The following INPP4B variants were observed in gnomAD, a reference collection of about 807,000 sequenced individuals.
INPP4B encodes the protein inositol polyphosphate 4-phosphatase type II.
INPP4B carries 55 observed loss-of-function variants against 122.5 expected under a neutral mutation model. That is an observed-to-expected ratio of 0.45 (90% CI 0.36 to 0.56). The LOEUF (loss-of-function observed/expected upper bound fraction) is 0.56, where lower values mean the gene tolerates loss of function less well. INPP4B is among the 20% of genes least tolerant of loss of function. The probability of loss-of-function intolerance (pLI) is 0.00; values close to 1 mark genes in which losing one functional copy is unlikely to be tolerated. For missense variants in INPP4B, 1,000 were observed against 1,097.7 expected, an observed-to-expected ratio of 0.91 and a Z score of 1.26; for synonymous variants, 403 against 388.7, an observed-to-expected ratio of 1.04 and a Z score of -0.43.
chr4:142,081,857 C>T lies in INPP4B; in HGVS notation c.2642+174G>A, dbSNP rs564663394. Among the ~76,000 whole-genome samples, 4 of 151,564 alleles carry T rather than the reference C, an allele frequency of 2.6e-5. No individual in the cohort carries two copies. The East Asian group carries it at 5.8e-4, about 22-fold the overall frequency. On this transcript the variant is annotated intron_variant, in intron 25 of 25. Transcript: ENST00000262992. ...GGGGAAATATAGATAGAGATGAAATCATTATACAGGTGGAGAAAATTATCT... is the reference window on the plus strand; with the variant it reads ...GGGGAAATATAGATAGAGATGAAATTATTATACAGGTGGAGAAAATTATCT...
intron 1 of INPP4B, among the ~76,000 whole-genome samples, chr4:142,804,420 G>A (rs1778416303): frequency 6.6e-6 from 1 of 152,064 alleles, no homozygotes; most frequent in Non-Finnish European, 1.5e-5. Context: ...TTATTTGTCT[G>A]GAATACCTCC....
At chr4:142,799,324 C>T (rs1338531458) in intron 1 of INPP4B, among the ~76,000 whole-genome samples, 1 of 151,762 alleles carries the variant, frequency 6.6e-6, no homozygotes, top group East Asian at 1.9e-4. Flanking sequence ...AAATTGTACA[C>T]ATTAAAAGGT....
At chr4:142,141,557 C>T (rs1035846828) in intron 18 of INPP4B, among the ~76,000 whole-genome samples, 2 of 152,084 alleles carry the variant, frequency 1.3e-5, no homozygotes, top group African/African-American at 4.8e-5. Flanking sequence ...TATTATTTCT[C>T]TTCAGAACAG....
chr4:142,047,065 T>TAACA (rs201809932), intron 25 of INPP4B, among the ~76,000 whole-genome samples: 1,591 of 152,256 alleles, frequency 0.01, 31 homozygotes, highest in African/African-American at 0.037. Flanking sequence ...AGACTGGGTC[T>TAACA]AACAGAGCCA....
chr4:142,526,314 C>A (rs1408886867), intron 2 of INPP4B, among the ~76,000 whole-genome samples: 6 of 151,982 alleles, frequency 3.9e-5, no homozygotes, highest in Admixed American at 2.0e-4. Context: ...CAGTAGCCAG[C>A]CACACAAAAT....
intron 25 of INPP4B, among the ~76,000 whole-genome samples, chr4:142,045,497 C>G (rs1750881198): frequency 6.6e-6 from 1 of 152,124 alleles, no homozygotes; most frequent in African/African-American, 2.4e-5. Context: ...AGAGGTCCAT[C>G]TAGTTTCCAG....
chr4:142,327,981 A>C (rs1313983221), intron 7 of INPP4B, among the ~76,000 whole-genome samples: 3 of 152,060 alleles, frequency 2.0e-5, no homozygotes, highest in South Asian at 4.1e-4. Flanking sequence ...TCTGCTACAC[A>C]AAGACTGCGG....
At chr4:142,345,457 T>A (rs1779998896) in intron 7 of INPP4B, among the ~76,000 whole-genome samples, 2 of 151,962 alleles carry the variant, frequency 1.3e-5, no homozygotes, top group Admixed American at 6.6e-5. Flanking sequence ...ATACCATGCA[T>A]TCAGAGAGGT....
chr4:142,487,149 C>A (rs1014928581), intron 2 of INPP4B, among the ~76,000 whole-genome samples: 2 of 152,142 alleles, frequency 1.3e-5, no homozygotes, highest in Non-Finnish European at 2.9e-5. Flanking sequence ...CACAAGCTCT[C>A]TCTTTGCCTG....
At position 142,028,842 on chromosome 4, in the gene INPP4B, C is replaced by T. The variant is rs2152254768; in HGVS notation, c.2715G>A (p.Leu905=). The T allele has an allele frequency of 6.2e-7, 1 of 1,613,594 alleles. No individual in the cohort carries two copies. The highest frequency in any genetic ancestry group is 2.2e-5 in the East Asian group (1 of 44,806). The part of the protein sequence containing the change: ...CRKYAFNMLQ[L]MAFPKYYRPP... ...GTCTGTAGTACTTGGGGAAAGCCAT[C>T]AGCTGTAGCATGTTGAAAGCATACT... Residue 905 remains leucine (L), a synonymous_variant, in exon 26 of 26, where the codon CTG becomes CTA. Coordinates refer to ENST00000262992, the MANE Select transcript of INPP4B (RefSeq NM_001101669.3).
At chr4:142,269,300 C>CT (rs35152054) in intron 10 of INPP4B, among the ~76,000 whole-genome samples, 121,762 of 151,778 alleles carry the variant, frequency 0.8, 49,297 homozygotes, top group East Asian at 0.93. Flanking sequence ...CCTCCCCCCT[C>CT]TTTTTTCCTC....
intron 2 of INPP4B, among the ~76,000 whole-genome samples, chr4:142,523,762 T>G (rs1826426834): frequency 6.7e-6 from 1 of 148,710 alleles, no homozygotes; most frequent in Admixed American, 6.7e-5. Context: ...ACCCACTAAC[T>G]CGTCATCTAG....
At chr4:142,569,269 A>T (rs1732296731) in intron 2 of INPP4B, among the ~76,000 whole-genome samples, 1 of 151,988 alleles carries the variant, frequency 6.6e-6, no homozygotes, top group South Asian at 2.1e-4. Context: ...TATGCAAAAT[A>T]TCTACCACTG....
intron 2 of INPP4B, among the ~76,000 whole-genome samples, chr4:142,689,709 G>A (rs1759884786): frequency 1.3e-5 from 2 of 152,158 alleles, no homozygotes; most frequent in Admixed American, 1.3e-4. Flanking sequence ...GGTATAAAAT[G>A]ACCCATAATA....
chr4:142,361,721 T>C (rs1022284802), intron 7 of INPP4B, among the ~76,000 whole-genome samples: 7 of 151,992 alleles, frequency 4.6e-5, no homozygotes, highest in Admixed American at 4.6e-4. Flanking sequence ...TAGTGTCTGA[T>C]CCCTCTGCAA....
chr4:142,737,532 C>A (rs921123750), intron 1 of INPP4B, among the ~76,000 whole-genome samples: 40 of 152,038 alleles, frequency 2.6e-4, no homozygotes, highest in Admixed American at 2.1e-3. Flanking sequence ...TAGGCAATAC[C>A]ATTCAGGACA....
At chr4:142,286,172 C>G (rs1753579241) in intron 9 of INPP4B, among the ~76,000 whole-genome samples, 1 of 152,154 alleles carries the variant, frequency 6.6e-6, no homozygotes, top group African/African-American at 2.4e-5. Flanking sequence ...TTCTAGAGAT[C>G]AGTGGGAATA....
intron 16 of INPP4B, among the ~76,000 whole-genome samples, chr4:142,162,931 C>T (rs1025470139): frequency 1.3e-5 from 2 of 151,868 alleles, no homozygotes; most frequent in African/African-American, 4.8e-5. Context: ...TAGAGAATCA[C>T]ATTTTTTAGA....
intron 21 of INPP4B, among the ~76,000 whole-genome samples, chr4:142,115,780 C>T (rs2152721943): frequency 6.6e-6 from 1 of 152,260 alleles, no homozygotes; most frequent in African/African-American, 2.4e-5. Flanking sequence ...CAGCTAACAT[C>T]ATAATGACAG....
Sources: gnomAD v4.1 joint callset for allele counts (sites outside exome capture counted in the v4.1 genomes callset) on GRCh38, gnomAD v4.1.1 for gene constraint, MANE v1.5 for transcripts, NCBI Gene and HGNC (gene_info 2026-07-23, HGNC 2026-07-21) for gene names.